Variants in SORCS3 observed in about 807,000 individuals in gnomAD.
SORCS3 encodes sortilin related VPS10 domain containing receptor 3, also known as VPS10 domain-containing receptor SorCS3.
In SORCS3, 57 loss-of-function variants were observed where a neutral mutation model predicts 146.3. The observed-to-expected ratio is 0.39, with a 90% confidence interval of 0.31 to 0.49. The LOEUF (loss-of-function observed/expected upper bound fraction) is 0.49, where lower values mean the gene tolerates loss of function less well. Among genes scored for constraint, SORCS3 ranks in the 20% least tolerant of loss-of-function variants. The pLI is 0.92. For missense variants in SORCS3, 1,341 were observed against 1,575.5 expected, an observed-to-expected ratio of 0.85 and a Z score of 2.52; for synonymous variants, 653 against 618.5, an observed-to-expected ratio of 1.06 and a Z score of -0.83.
intron 6 of SORCS3, among the ~76,000 whole-genome samples, chr10:105,090,325 G>A (rs949062044): frequency 6.6e-6 from 1 of 152,166 alleles, no homozygotes; most frequent in Non-Finnish European, 1.5e-5. Flanking sequence ...CCTAGAGAGA[G>A]AGAAAGTGAT....
Position 104,848,115 on chromosome 10 carries a change from T to C in SORCS3, c.695+5256T>C, listed in dbSNP as rs117237689. ...TGCTTAGCATTTCAACTATACTAAA[T>C]AAGGATTTGGAGACCTGACGAAAGT... is the stretch of plus-strand genomic sequence containing the variant. On this transcript the variant is annotated intron_variant, in intron 2 of 26. Transcript: ENST00000369701. 8.5e-3 allele frequency among the ~76,000 whole-genome samples: 1,288 copies of C among 152,240 alleles called. 11 individuals are homozygous for C. The highest frequency in any genetic ancestry group is 0.015 in the Admixed American group (226 of 15,288).
intron 1 of SORCS3, among the ~76,000 whole-genome samples, chr10:104,827,762 T>C (rs1298682448): frequency 1.3e-5 from 2 of 152,216 alleles, no homozygotes; most frequent in African/African-American, 2.4e-5. Context: ...TTGGTTTACA[T>C]TGAAAATCGA....
chr10:105,085,136 A>T (rs1374514614), intron 5 of SORCS3, among the ~76,000 whole-genome samples: 1 of 152,246 alleles, frequency 6.6e-6, no homozygotes, highest in Admixed American at 6.5e-5. Context: ...TGAGAGTGTT[A>T]CTGCATCTGG....
rs745999809 is a variant in SORCS3, at chr10:105,262,338, C to G, written c.3451C>G (p.Pro1151Ala). Residue 1151 changes from proline (P) to alanine (A), a missense_variant, in exon 26 of 27, where the codon CCT becomes GCT. Physicochemically the swap from Pro to Ala is conservative, Grantham distance 27 (BLOSUM62 -1). Transcript: ENST00000369701. ...FLIYKFKRKI[P>A]WINIYAQVQH... Reference sequence around the variant, plus strand: ...TGCTCCTGTCCCATGTAGGAAAATCCCTTGGATTAACATCTATGCTCAAGT... The same window carrying G: ...TGCTCCTGTCCCATGTAGGAAAATCGCTTGGATTAACATCTATGCTCAAGT... 6.2e-7 allele frequency: 1 copy of G among 1,612,354 alleles called. No homozygotes were observed. The highest frequency in any genetic ancestry group is 1.1e-5 in the South Asian group (1 of 90,906).
chr10:105,079,837 G>A (rs1383639572), intron 5 of SORCS3, among the ~76,000 whole-genome samples: 1 of 152,134 alleles, frequency 6.6e-6, no homozygotes, highest in Non-Finnish European at 1.5e-5. Flanking sequence ...GCATTAGTTT[G>A]CTAAGAAGAA....
intron 1 of SORCS3, among the ~76,000 whole-genome samples, chr10:104,836,005 G>T (rs1324589964): frequency 6.6e-6 from 1 of 152,192 alleles, no homozygotes; most frequent in African/African-American, 2.4e-5. Flanking sequence ...AGGAGTGTGC[G>T]TCAAGGCTGG....
intron 1 of SORCS3, among the ~76,000 whole-genome samples, chr10:104,689,322 C>G (rs979302445): frequency 6.6e-6 from 1 of 152,186 alleles, no homozygotes. Flanking sequence ...AGCCACTGGC[C>G]AACTTGGCCT....
At chr10:105,211,698 G>C (rs2056635025) in intron 17 of SORCS3, among the ~76,000 whole-genome samples, 1 of 152,162 alleles carries the variant, frequency 6.6e-6, no homozygotes, top group African/African-American at 2.4e-5. Flanking sequence ...AAAATGTCAA[G>C]GATCCCTTTC....
intron 4 of SORCS3, among the ~76,000 whole-genome samples, chr10:105,016,039 C>T (rs2055163555): frequency 6.8e-6 from 1 of 146,806 alleles, no homozygotes; most frequent in African/African-American, 2.5e-5. Flanking sequence ...TAAGGTTCTA[C>T]TTCTTAACTT....
intron 1 of SORCS3, among the ~76,000 whole-genome samples, chr10:104,682,995 C>G (rs2015997700): frequency 6.6e-6 from 1 of 152,176 alleles, no homozygotes; most frequent in Non-Finnish European, 1.5e-5. Context: ...GGGCCATTGG[C>G]TTTTAGCCAG....
chr10:105,263,026 A>G (rs2056970889), intron 26 of SORCS3, among the ~76,000 whole-genome samples: 1 of 152,244 alleles, frequency 6.6e-6, no homozygotes, highest in Non-Finnish European at 1.5e-5. Flanking sequence ...TGCCTGCCAC[A>G]TAGTAAGTTT....
At chr10:105,145,579 A>G (rs1208159486) in intron 8 of SORCS3, among the ~76,000 whole-genome samples, 1 of 152,250 alleles carries the variant, frequency 6.6e-6, no homozygotes, top group East Asian at 1.9e-4. Context: ...TTGCATTTTA[A>G]CAGGGTAAGT....
Position 104,957,306 on chromosome 10 carries a change from T to G in SORCS3, c.796-20029T>G, listed in dbSNP as rs2133631552. 1.3e-5 allele frequency among the ~76,000 whole-genome samples: 2 copies of G among 152,338 alleles called. 1 individual carries two copies. Among genetic ancestry groups the G allele is most frequent in the Admixed American group, 1.3e-4 (2 of 15,290 alleles). On this transcript the variant is annotated intron_variant, in intron 3 of 26. Coordinates refer to ENST00000369701, the MANE Select transcript of SORCS3 (RefSeq NM_014978.3). ...TCTCTGGTGTTCCTCTGCTTTCCCT[T>G]TCAGCAATTATAAATGGCAACAGTG...
chr10:104,991,446 C>G (rs1034082981), intron 4 of SORCS3, among the ~76,000 whole-genome samples: 1 of 151,570 alleles, frequency 6.6e-6, no homozygotes, highest in Non-Finnish European at 1.5e-5. Flanking sequence ...CTATGTTTGT[C>G]TTTCCTCTAC....
At chr10:104,778,791 A>G (rs1467349861) in intron 1 of SORCS3, among the ~76,000 whole-genome samples, 1 of 152,184 alleles carries the variant, frequency 6.6e-6, no homozygotes, top group Non-Finnish European at 1.5e-5. Flanking sequence ...TAGGCTGAGT[A>G]ATGCACATCT....
rs970200234 is a variant in SORCS3, at chr10:104,702,848, C to T, written c.627+60894C>T. On this transcript the variant is annotated intron_variant, in intron 1 of 26. Coordinates refer to ENST00000369701, the MANE Select transcript of SORCS3 (RefSeq NM_014978.3). ...CTCACTGAGTCTGGTTTCAACTATA[C>T]GAATATCTAGCTTGCTCATTCCACA... is the stretch of plus-strand genomic sequence containing the variant. 3.9e-5 allele frequency among the ~76,000 whole-genome samples: 6 copies of T among 152,192 alleles called. No homozygotes were observed. The East Asian group carries it at 7.7e-4, about 20-fold the overall frequency.
At chr10:105,206,186 A>G (rs2056600964) in intron 16 of SORCS3, among the ~76,000 whole-genome samples, 1 of 152,220 alleles carries the variant, frequency 6.6e-6, no homozygotes, top group Non-Finnish European at 1.5e-5. Context: ...TATTTACAAA[A>G]TATACAAACT....
At chr10:105,023,542 T>G (rs993145144) in intron 4 of SORCS3, among the ~76,000 whole-genome samples, 6 of 151,966 alleles carry the variant, frequency 3.9e-5, no homozygotes, top group African/African-American at 7.2e-5. Flanking sequence ...AGAGCAGTGG[T>G]TTTTTTTGTT....
intron 2 of SORCS3, among the ~76,000 whole-genome samples, chr10:104,899,681 G>A (rs1197228062): frequency 6.6e-6 from 1 of 152,186 alleles, no homozygotes; most frequent in Non-Finnish European, 1.5e-5. Context: ...CTCCCAGACA[G>A]GGGTTATACC....
Sources: gnomAD v4.1 joint callset for allele counts (sites outside exome capture counted in the v4.1 genomes callset) on GRCh38, gnomAD v4.1.1 for gene constraint, MANE v1.5 for transcripts, NCBI Gene and HGNC (gene_info 2026-07-23, HGNC 2026-07-21) for gene names.